The following TMEM39B variants were observed in gnomAD, a reference collection of about 807,000 sequenced individuals.
The protein encoded by TMEM39B is transmembrane protein 39B.
A neutral mutation model predicts 52.2 loss-of-function variants in TMEM39B; 23 were observed. That is an observed-to-expected ratio of 0.44 (90% CI 0.32 to 0.62). TMEM39B has a LOEUF of 0.62. TMEM39B is among the 20% of genes least tolerant of loss of function. TMEM39B has a pLI of 0.06. For missense variants in TMEM39B, 547 were observed against 642.0 expected, an observed-to-expected ratio of 0.85 and a Z score of 1.60; for synonymous variants, 285 against 264.0, an observed-to-expected ratio of 1.08 and a Z score of -0.77.
At chr1:32,074,496 T>C (rs1639769089) in intron 1 of TMEM39B, among the ~76,000 whole-genome samples, 1 of 152,074 alleles carries the variant, frequency 6.6e-6, no homozygotes, top group Admixed American at 6.6e-5. Context: ...AAAGATAAGG[T>C]AACTGACCTC....
intron 5 of TMEM39B, among the ~76,000 whole-genome samples, chr1:32,079,238 G>A (rs1300898253): frequency 6.7e-6 from 1 of 148,642 alleles, no homozygotes; most frequent in Non-Finnish European, 1.5e-5. Flanking sequence ...AGGCTGGAGT[G>A]CAGTGGCACA....
chr1:32,072,914 A>G (rs762638988), upstream of TMEM39B: 40 of 1,232,452 alleles, frequency 3.2e-5, no homozygotes, highest in Middle Eastern at 4.5e-4. Context: ...ATGCAAATGT[A>G]GCGGCGCGGC....
intron 7 of TMEM39B, among the ~76,000 whole-genome samples, chr1:32,096,254 A>G (rs1359774873): frequency 6.6e-6 from 1 of 152,030 alleles, no homozygotes; most frequent in Non-Finnish European, 1.5e-5. Flanking sequence ...CTCCAGGAAC[A>G]CTTTCCTGAC....
Position 32,079,137 on chromosome 1 carries a change from G to T in TMEM39B, c.590+1819G>T, listed in dbSNP as rs184507264. On this transcript the variant is annotated intron_variant, in intron 5 of 8. Transcript: ENST00000336294. ...GAGTGCAGTGGCTATTCACAGGTCT[G>T]TTCCCACTACTGATCAACACAGGAG... 2.4e-4 allele frequency among the ~76,000 whole-genome samples: 36 copies of T among 149,142 alleles called. No homozygotes were observed. The East Asian group carries it at 6.7e-3, about 28-fold the overall frequency.
intron 5 of TMEM39B, among the ~76,000 whole-genome samples, chr1:32,083,988 C>T (rs188359582): frequency 8.1e-4 from 123 of 152,212 alleles, no homozygotes; most frequent in African/African-American, 2.9e-3. Flanking sequence ...CTGTTTCAGA[C>T]ACACAGACAC....
chr1:32,100,323 A>G (rs1022892957), intron 7 of TMEM39B, 119 bp from the exon 8 acceptor site: 30 of 1,163,256 alleles, frequency 2.6e-5, no homozygotes, highest in African/African-American at 1.7e-4. Context: ...AAGGAAAGTC[A>G]GCGTGTCTAA....
rs912295586 is a variant in TMEM39B at position 32,079,264 on chromosome 1, A to G, written c.590+1946A>G. On this transcript the variant is annotated intron_variant, in intron 5 of 8. Transcript: ENST00000336294. Reference sequence around the variant, plus strand: ...CAGTGGCACAATCTTGGCTCACTGCAAGCTCCACCTCCCGGGTTCACACCA... The same window carrying G: ...CAGTGGCACAATCTTGGCTCACTGCGAGCTCCACCTCCCGGGTTCACACCA... 5.3e-5 allele frequency among the ~76,000 whole-genome samples: 8 copies of G among 149,668 alleles called. 1 individual carries two copies. The highest frequency in any genetic ancestry group is 1.0e-4 in the Non-Finnish European group (7 of 67,662).
chr1:32,089,669 T>C (rs1231753159), intron 5 of TMEM39B, among the ~76,000 whole-genome samples: 2 of 147,874 alleles, frequency 1.4e-5, no homozygotes, highest in African/African-American at 5.0e-5. Flanking sequence ...TTTTTTTAAA[T>C]GGAGTCTCAC....
intron 5 of TMEM39B, among the ~76,000 whole-genome samples, chr1:32,086,236 C>T (rs1233018477): frequency 1.3e-5 from 2 of 152,056 alleles, no homozygotes; most frequent in East Asian, 1.9e-4. Context: ...TACCTGCTCC[C>T]CACTTCATCT....
Position 32,078,797 on chromosome 1 carries a change from C to T in TMEM39B, c.590+1479C>T, listed in dbSNP as rs144239257. On this transcript the variant is annotated intron_variant, in intron 5 of 8. Transcript: ENST00000336294. ...CTGGGATTACAGGTGCCCACCACCACGCCTGGCTACTTTTTGTATTTTTAG... is the reference window on the plus strand; with the variant it reads ...CTGGGATTACAGGTGCCCACCACCATGCCTGGCTACTTTTTGTATTTTTAG... Among the ~76,000 whole-genome samples the T allele has an allele frequency of 7.0e-3, 1,061 of 152,088 alleles. 5 individuals carry two copies. Among genetic ancestry groups the T allele is most frequent in the Middle Eastern group, 0.048 (14 of 292 alleles).
chr1:32,084,141 C>G (rs1640236437), intron 5 of TMEM39B, among the ~76,000 whole-genome samples: 1 of 152,122 alleles, frequency 6.6e-6, no homozygotes. Flanking sequence ...TTTTCTTGGA[C>G]TTTCTAATTG....
rs1014617128 is a variant in TMEM39B at position 32,090,761 on chromosome 1, T to C, written c.591-914T>C. 1.9e-4 allele frequency among the ~76,000 whole-genome samples: 29 copies of C among 152,190 alleles called. 1 individual carries two copies. Among genetic ancestry groups the C allele is most frequent in the African/African-American group, 6.7e-4 (28 of 41,532 alleles). On this transcript the variant is annotated intron_variant, in intron 5 of 8. Transcript: ENST00000336294. ...TTCACGCCATTCTCCTGCCTCAGCC[T>C]CCCGAGTAGCTGGGACTACAGGCGC... is the stretch of plus-strand genomic sequence containing the variant.
chr1:32,072,194 G>GA (rs1639678519), upstream of TMEM39B: 5 of 152,344 alleles, frequency 3.3e-5, no homozygotes, highest in South Asian at 1.0e-3. Flanking sequence ...GGAGCTACAA[G>GA]ATGACTAAAA....
chr1:32,101,541 C>A (rs1641020340), intron 8 of TMEM39B, among the ~76,000 whole-genome samples: 1 of 152,094 alleles, frequency 6.6e-6, no homozygotes, highest in South Asian at 2.1e-4. Context: ...CTCACCCCCG[C>A]TGTAACTCCT....
intron 5 of TMEM39B, among the ~76,000 whole-genome samples, chr1:32,085,521 G>A (rs1250098603): frequency 4.3e-4 from 66 of 152,218 alleles, no homozygotes; most frequent in Admixed American, 1.8e-3. Flanking sequence ...GGGAGGCCAA[G>A]GTGGGTGGAT....
intron 6 of TMEM39B, among the ~76,000 whole-genome samples, chr1:32,092,331 A>G (rs1640641502): frequency 6.6e-6 from 1 of 151,832 alleles, no homozygotes; most frequent in African/African-American, 2.4e-5. Context: ...TAATTTTAAA[A>G]TTTTTTATAG....
At chr1:32,083,034 A>G (rs1281357793) in intron 5 of TMEM39B, among the ~76,000 whole-genome samples, 1 of 149,526 alleles carries the variant, frequency 6.7e-6, no homozygotes, top group African/African-American at 2.5e-5. Context: ...TCAGCCTCCC[A>G]AAGTGCTGGG....
chr1:32,083,291 C>CAGGCT (rs961934514), intron 5 of TMEM39B, among the ~76,000 whole-genome samples: 8 of 150,236 alleles, frequency 5.3e-5, no homozygotes, highest in Non-Finnish European at 1.0e-4. Context: ...CCATGTTGGT[C>CAGGCT]AGGCTGGTCT....
intron 5 of TMEM39B, 26 bp downstream of exon 5, chr1:32,077,344 A>T: frequency 6.2e-7 from 1 of 1,612,748 alleles, no homozygotes; most frequent in Non-Finnish European, 8.5e-7. Flanking sequence ...TTCACCCCTC[A>T]CTGCCCAGCA....
Sources: allele counts gnomAD v4.1 joint callset (sites outside exome capture counted in the v4.1 genomes callset), GRCh38; gene constraint gnomAD v4.1.1; transcripts MANE v1.5; gene names NCBI Gene and HGNC (gene_info 2026-07-23, HGNC 2026-07-21).